Variants in GLIS3 observed in about 807,000 individuals in gnomAD.
GLIS3 encodes the protein zinc finger protein GLIS3.
In GLIS3, 53 loss-of-function variants were observed where a neutral mutation model predicts 78.6. The ratio of observed to expected loss-of-function variants is 0.67; its 90% CI spans 0.54 to 0.85. The LOEUF (loss-of-function observed/expected upper bound fraction) is 0.85. GLIS3 is among the 40% of genes least tolerant of loss of function. GLIS3 has a pLI of 0.00. For synonymous variants in GLIS3, 684 were observed against 509.9 expected (o/e 1.34, Z -4.60); for missense variants, 1,703 against 1,231.1 (o/e 1.38, Z -5.74).
At chr9:4,168,013 G>C (rs902789477) in intron 2 of GLIS3, among the ~76,000 whole-genome samples, 2 of 152,146 alleles carry the variant, frequency 1.3e-5, no homozygotes, top group African/African-American at 4.8e-5. Context: ...CCTGGCCTAG[G>C]GCTTTAGTTG....
At chr9:4,162,828 GC>G (rs1835592390) in intron 2 of GLIS3, among the ~76,000 whole-genome samples, 1 of 128,726 alleles carries the variant, frequency 7.8e-6, no homozygotes, top group Non-Finnish European at 1.5e-5. Context: ...CTGCACTCCA[GC>G]CCGGGCGACA....
chr9:4,051,625 T>C (rs1408330170), intron 4 of GLIS3, among the ~76,000 whole-genome samples: 1 of 152,200 alleles, frequency 6.6e-6, no homozygotes, highest in Non-Finnish European at 1.5e-5. Flanking sequence ...ACTAAATGCA[T>C]ATTATTTGAA....
intron 2 of GLIS3, among the ~76,000 whole-genome samples, chr9:4,273,747 G>A (rs1826735587): frequency 6.6e-6 from 1 of 152,148 alleles, no homozygotes; most frequent in South Asian, 2.1e-4. Context: ...TACTTGAAAA[G>A]TCAATCCACA....
chr9:4,338,144 A>G (rs1473347952), intron 2 of GLIS3, among the ~76,000 whole-genome samples: 2 of 151,944 alleles, frequency 1.3e-5, no homozygotes, highest in South Asian at 2.1e-4. Context: ...TTCTAATCCT[A>G]TCGCTTCTCC....
chr9:4,207,459 CA>C (rs1394967480), intron 2 of GLIS3, among the ~76,000 whole-genome samples: 1 of 152,138 alleles, frequency 6.6e-6, no homozygotes, highest in Non-Finnish European at 1.5e-5. Context: ...GCCTTTACCT[CA>C]AAATGATGCT....
At chr9:4,030,638 C>T (rs995761863) in intron 4 of GLIS3, among the ~76,000 whole-genome samples, 6 of 152,262 alleles carry the variant, frequency 3.9e-5, no homozygotes, top group Admixed American at 2.6e-4. Context: ...CATTCTTCTG[C>T]GTATGGGTAT....
intron 2 of GLIS3, among the ~76,000 whole-genome samples, chr9:4,317,377 G>C (rs1817454275): frequency 6.6e-6 from 1 of 152,136 alleles, no homozygotes; most frequent in Non-Finnish European, 1.5e-5. Flanking sequence ...TAATCACTGT[G>C]GGATGCAGCC....
In GLIS3 at chr9:4,286,700, T is replaced by A. The variant is rs80168063; in HGVS notation, c.-98-177A>T. On this transcript the variant is annotated intron_variant, in intron 1 of 10. Coordinates refer to ENST00000381971, the MANE Select transcript of GLIS3 (RefSeq NM_001042413.2). ...CTCATTGGCAGGCACTCTCCCCTTC[T>A]GCACTCATGGTGGACATGGATTATG... is the stretch of plus-strand genomic sequence containing the variant. Among the ~76,000 whole-genome samples, 1,196 of 152,352 alleles carry A rather than the reference T, an allele frequency of 7.9e-3. 6 individuals carry two copies. Among genetic ancestry groups the A allele is most frequent in the Non-Finnish European group, 0.012 (813 of 68,030 alleles).
the GLIS3 span, among the ~76,000 whole-genome samples, chr9:4,363,898 C>T: frequency 6.6e-5 from 10 of 152,338 alleles, no homozygotes; most frequent in South Asian, 2.1e-3. Context: ...TCATGCTAGG[C>T]TCCAAGAGTG....
At chr9:4,015,601 T>C (rs1822365573) in intron 4 of GLIS3, among the ~76,000 whole-genome samples, 1 of 152,152 alleles carries the variant, frequency 6.6e-6, no homozygotes, top group African/African-American at 2.4e-5. Flanking sequence ...TAATAGGGAT[T>C]TTCCAGCCAA....
chr9:4,118,774 G>A lies in GLIS3; in HGVS notation c.704C>T (p.Pro235Leu). 1 of 1,613,046 alleles carries A rather than the reference G, an allele frequency of 6.2e-7. No homozygotes were observed. Among genetic ancestry groups the A allele is most frequent in the Non-Finnish European group, 8.5e-7 (1 of 1,180,026 alleles). Residue 235 changes from proline (P) to leucine (L), a missense_variant, in exon 4 of 11, where the codon CCT becomes CTT. Pro to Leu is a moderately conservative substitution (Grantham distance 98). Transcript: ENST00000381971. This position sits in a 1 kb window ranked among gnomAD's most constrained non-coding sequence, Gnocchi z 4.7. The stretch of plus-strand genomic sequence containing the variant: ...CTGAGAGCCGTGGTTGGAGAGCGAA[G>A]GGAGGGCCCTGTAGCCCTGGGACCA... Reference protein sequence around the residue: ...QEWSQGYRALPSLSNHGSQNG... With the variant: ...QEWSQGYRALLSLSNHGSQNG...
intron 2 of GLIS3, among the ~76,000 whole-genome samples, chr9:4,250,494 G>T (rs1461586469): frequency 6.6e-6 from 1 of 152,048 alleles, no homozygotes; most frequent in African/African-American, 2.4e-5. Context: ...GTGTCTATTT[G>T]ATTATTCTCT....
chr9:3,930,150 T>C (rs1825522175), intron 6 of GLIS3, among the ~76,000 whole-genome samples: 1 of 152,260 alleles, frequency 6.6e-6, no homozygotes, highest in Non-Finnish European at 1.5e-5. Flanking sequence ...TCATAAAGAA[T>C]TTTTAAAATC....
the GLIS3 span, among the ~76,000 whole-genome samples, chr9:4,468,661 G>T: frequency 6.6e-6 from 1 of 152,154 alleles, no homozygotes; most frequent in Non-Finnish European, 1.5e-5. Context: ...GGAACAACTG[G>T]TACCAGCCAC....
At chr9:3,872,732 C>G (rs566523505) in intron 8 of GLIS3, among the ~76,000 whole-genome samples, 4 of 152,178 alleles carry the variant, frequency 2.6e-5, no homozygotes, top group African/African-American at 9.7e-5. Flanking sequence ...TGCGGACACA[C>G]AGCCAAACTA....
At chr9:4,058,473 C>G (rs1009662260) in intron 4 of GLIS3, among the ~76,000 whole-genome samples, 1 of 151,444 alleles carries the variant, frequency 6.6e-6, no homozygotes, top group Non-Finnish European at 1.5e-5. Context: ...GTTCCCATCT[C>G]TTTGCTCAAA....
At chr9:4,474,074 T>A in the GLIS3 span, among the ~76,000 whole-genome samples, 15 of 152,190 alleles carry the variant, frequency 9.9e-5, no homozygotes, top group Non-Finnish European at 1.9e-4. Flanking sequence ...CAGAAAGTGT[T>A]TTTCTGTGTA....
intron 1 of GLIS3, chr9:4,347,185 T>G (rs1442054113): frequency 6.6e-6 from 1 of 152,254 alleles, no homozygotes; most frequent in Admixed American, 6.5e-5. Context: ...GAAGCAGGCC[T>G]GTGCAGAGAT....
intron 4 of GLIS3, among the ~76,000 whole-genome samples, chr9:4,077,293 C>T (rs1295824770): frequency 6.6e-6 from 1 of 152,098 alleles, no homozygotes; most frequent in Non-Finnish European, 1.5e-5. Flanking sequence ...AAAGTATGCA[C>T]ATTCTTAAGG....
Sources: allele counts gnomAD v4.1 joint callset (sites outside exome capture counted in the v4.1 genomes callset), GRCh38; gene constraint gnomAD v4.1.1; non-coding constraint Gnocchi (gnomAD v3.1); transcripts MANE v1.5; gene names NCBI Gene and HGNC (gene_info 2026-07-23, HGNC 2026-07-21).